The following TKTL1 variants were observed in gnomAD, a reference collection of about 807,000 sequenced individuals.
TKTL1 encodes transketolase like 1.
Under a neutral mutation model 39.3 loss-of-function variants are expected in TKTL1, and 1 was observed. The observed-to-expected ratio is 0.03, with a 90% CI of 0.01 to 0.12. The LOEUF (loss-of-function observed/expected upper bound fraction) is 0.12. TKTL1 is among the 10% of genes least tolerant of loss of function. The probability of loss-of-function intolerance (pLI) is 1.00; values close to 1 mark genes in which losing one functional copy is unlikely to be tolerated. For missense variants in TKTL1, 575 were observed against 509.6 expected, an observed-to-expected ratio of 1.13 and a Z score of -1.24; for synonymous variants, 262 against 193.8, an observed-to-expected ratio of 1.35 and a Z score of -2.92.
chrX:154,306,961 T>C (rs954404925), intron 2 of TKTL1, among the ~76,000 whole-genome samples: 3 of 109,316 alleles, frequency 2.7e-5, no homozygotes, highest in Non-Finnish European at 5.7e-5. Context: ...GAAAAAAAAA[T>C]AGATATATAA....
chrX:154,305,139 C>G (rs781971496), intron 1 of TKTL1, 165 bp from the exon 2 acceptor site: 2 of 1,170,302 alleles, frequency 1.7e-6, no homozygotes, highest in East Asian at 3.1e-5. Flanking sequence ...GCTTACCGGG[C>G]TTTAAAGCGC....
At chrX:154,305,116 G>A (rs2067304715) in intron 1 of TKTL1, 188 bp from the exon 2 acceptor site, 2 of 1,156,463 alleles carry the variant, frequency 1.7e-6, no homozygotes, top group Non-Finnish European at 2.3e-6. Flanking sequence ...GTGCACAGGG[G>A]GAGGGGTGGT....
At position 154,323,281 on chromosome X, in the gene TKTL1, T is replaced by C. The variant is rs782611870; in HGVS notation, c.1261T>C (p.Tyr421His). 49 of 1,209,833 alleles carry C rather than the reference T, an allele frequency of 4.1e-5. No individual in the cohort carries two copies. Among genetic ancestry groups the C allele is most frequent in the Non-Finnish European group, 5.3e-5 (47 of 895,063 alleles). ...FRTIPKCTIF[Y>H]PTDAVSTEHA... ...AACCATTCCCAAGTGCACGATCTTC[T>C]ACCCAACTGATGCCGTCTCCACGGA... Residue 421 changes from tyrosine (Y) to histidine (H), a missense_variant, in exon 9 of 13, where the codon TAC (tyrosine) becomes CAC (histidine). Tyr to His is a moderately conservative substitution (Grantham distance 83). Coordinates refer to ENST00000369915, the MANE Select transcript of TKTL1 (RefSeq NM_012253.4).
At position 154,295,906 on chromosome X, in the gene TKTL1, C is replaced by T. The variant is rs782328350; in HGVS notation, c.47C>T (p.Pro16Leu). 1.6e-5 allele frequency: 19 copies of T among 1,212,013 alleles called. No homozygotes were observed. The highest frequency in any genetic ancestry group is 6.5e-5 in the Admixed American group (3 of 46,093). Residue 16 changes from proline to leucine, a missense_variant, in exon 1 of 13, where the codon CCT becomes CTT. By Grantham distance (98) the Pro-to-Leu change is moderately conservative (BLOSUM62 -3). Coordinates refer to ENST00000369915, the MANE Select transcript of TKTL1 (RefSeq NM_012253.4). ...GCTGAGTTCCCGGAGGAGGCCAGAC[C>T]TGACAGGGGCACCTTGCAGGTGTTG... ...ARAEFPEEAR[P>L]DRGTLQVLQD...
intron 7 of TKTL1, among the ~76,000 whole-genome samples, chrX:154,316,109 C>G (rs781995875): frequency 1.8e-5 from 2 of 112,005 alleles, no homozygotes; most frequent in East Asian, 5.6e-4. Context: ...CGAAGTCTCG[C>G]TCTGTCGCCC....
Position 154,327,362 on chromosome X carries a change from C to A in TKTL1, c.1402-229C>A, listed in dbSNP as rs782299805. 14 of 548,001 alleles carry A rather than the reference C, an allele frequency of 2.6e-5. 1 individual carries two copies. The Admixed American group carries it at 3.1e-4, about 12-fold the overall frequency. 45.2% of individuals were successfully genotyped at this position (548,001 alleles called of 1,213,427 possible). ...CCATAGTGAGCTCTCAAACCAGACT[C>A]CTGATGGGTATGTGGCGTATCCATG... On this transcript the variant is annotated intron_variant, in intron 10 of 12. Coordinates refer to ENST00000369915, the MANE Select transcript of TKTL1 (RefSeq NM_012253.4).
chrX:154,318,643 G>C (rs1182340741), intron 7 of TKTL1, among the ~76,000 whole-genome samples: 1 of 104,149 alleles, frequency 9.6e-6, no homozygotes, highest in African/African-American at 3.5e-5. Flanking sequence ...GGGAGGCAGA[G>C]CTTGCAGTGA....
At chrX:154,323,953 G>A (rs187612437) in intron 9 of TKTL1, among the ~76,000 whole-genome samples, 2 of 112,701 alleles carry the variant, frequency 1.8e-5, no homozygotes, top group Admixed American at 9.3e-5. Flanking sequence ...TCCCACTAAC[G>A]TTCAGCAGGT....
At chrX:154,323,419 TC>T in intron 9 of TKTL1, 82 bp downstream of exon 9, 1 of 1,060,749 alleles carries the variant, frequency 9.4e-7, no homozygotes, top group East Asian at 3.1e-5. Flanking sequence ...GACTTTTTTT[TC>T]TCAACATAAA....
Position 154,325,331 on chromosome X carries a change from T to C in TKTL1, c.1318-8T>C, listed in dbSNP as rs782250656. On this transcript the variant is annotated splice_polypyrimidine_tract_variant and splice_region_variant and intron_variant, in intron 9 of 12. Transcript: ENST00000369915. ...CTTTTCTAAACCATGGCTCCATTTA[T>C]GCCCTAGGGGATGTGCTTCATTCGG... 8.3e-7 allele frequency: 1 copy of C among 1,205,527 alleles called. No homozygotes were observed. Among genetic ancestry groups the C allele is most frequent in the Non-Finnish European group, 1.1e-6 (1 of 889,551 alleles).
At chrX:154,328,126 C>T (rs782142642) in intron 12 of TKTL1, among the ~76,000 whole-genome samples, 168 bp downstream of exon 12, 24 of 111,089 alleles carry the variant, frequency 2.2e-4, no homozygotes, top group Non-Finnish European at 3.2e-4. Context: ...ATCTGTGTGT[C>T]CCCAACAGAG....
intron 7 of TKTL1, among the ~76,000 whole-genome samples, chrX:154,316,741 T>G (rs2067403007): frequency 9.4e-6 from 1 of 106,355 alleles, no homozygotes; most frequent in Non-Finnish European, 1.9e-5. Flanking sequence ...GGTTTTTTGT[T>G]GTTTTGTGGT....
rs1443943371 is a variant in TKTL1, at chrX:154,330,298, G to A, written c.*610G>A. On this transcript the variant is annotated 3_prime_UTR_variant, in exon 13 of 13. Coordinates refer to ENST00000369915, the MANE Select transcript of TKTL1 (RefSeq NM_012253.4). ...GGATGTCCTGTGCTGCTTGTGATGA[G>A]AGCCTCCACACTGTACTGTTCAAGT... 8.9e-6 allele frequency: 1 copy of A among 112,990 alleles called. No homozygotes were observed. Among genetic ancestry groups the A allele is most frequent in the African/African-American group, 3.3e-5 (1 of 30,717 alleles). The allele number at this position is 112,990 out of a possible 1,213,427, so 9.3% of individuals were successfully genotyped here.
At chrX:154,312,881 C>T (rs1021489222) in intron 6 of TKTL1, 108 bp downstream of exon 6, 26 of 741,304 alleles carry the variant, frequency 3.5e-5, no homozygotes, top group South Asian at 6.6e-5. Flanking sequence ...TCTCCATGGA[C>T]GAACCAATTA....
intron 1 of TKTL1, among the ~76,000 whole-genome samples, chrX:154,300,997 A>T (rs1166010034): frequency 9.1e-6 from 1 of 109,869 alleles, no homozygotes; most frequent in African/African-American, 3.3e-5. Context: ...CGCCTGGCCT[A>T]GGGTTTTCTA....
At chrX:154,297,810 G>T (rs1048649929) in intron 1 of TKTL1, among the ~76,000 whole-genome samples, 5 of 111,349 alleles carry the variant, frequency 4.5e-5, no homozygotes, top group African/African-American at 1.6e-4. Flanking sequence ...GGTGGCACGT[G>T]CCTGTAGTCC....
chrX:154,304,499 G>A (rs781889471), intron 1 of TKTL1, among the ~76,000 whole-genome samples: 2 of 109,934 alleles, frequency 1.8e-5, no homozygotes, highest in South Asian at 3.9e-4. Flanking sequence ...GGGAGGCCGA[G>A]GCGGGAGAAT....
chrX:154,316,766 T>TG (rs372887609), intron 7 of TKTL1, among the ~76,000 whole-genome samples: 45 of 106,153 alleles, frequency 4.2e-4, no homozygotes, highest in Non-Finnish European at 7.2e-4. Flanking sequence ...GGTTTTTTTT[T>TG]GGGGGTTTTT....
In TKTL1 at chrX:154,315,271, C is replaced by G. The variant is rs370220971; in HGVS notation, c.963C>G (p.Phe321Leu). The G allele has an allele frequency of 7.9e-5, 96 of 1,209,153 alleles. No individual in the cohort carries two copies. The highest frequency in any genetic ancestry group is 9.7e-5 in the Non-Finnish European group (87 of 894,733). The change falls in exon 7 of 13, where the codon TTC (phenylalanine) becomes TTG (leucine). Residue 321 changes from phenylalanine (F) to leucine (L), a missense_variant. Transcript: ENST00000369915. Reference sequence around the variant, plus strand: ...ATGGTGACACCAGGTACTCTACTTTCTCTGAGATATTCAACAAGGAGTACC... The same window carrying G: ...ATGGTGACACCAGGTACTCTACTTTGTCTGAGATATTCAACAAGGAGTACC... Reference protein sequence around the residue: ...VLDGDTRYSTFSEIFNKEYPE... With the variant: ...VLDGDTRYSTLSEIFNKEYPE...
Sources: gnomAD v4.1 joint callset for allele counts (sites outside exome capture counted in the v4.1 genomes callset) on GRCh38, gnomAD v4.1.1 for gene constraint, MANE v1.5 for transcripts, NCBI Gene and HGNC (gene_info 2026-07-23, HGNC 2026-07-21) for gene names.